The following DNAAF10 variants were observed in gnomAD, a reference collection of about 807,000 sequenced individuals.
DNAAF10 encodes the protein dynein axonemal assembly factor 10.
DNAAF10 carries 28 observed loss-of-function variants against 43.7 expected under a neutral mutation model. That is an observed-to-expected ratio of 0.64 (90% CI 0.48 to 0.88). The LOEUF is 0.88. DNAAF10 is among the 40% of genes least tolerant of loss of function. The pLI is 0.00. For synonymous variants in DNAAF10, 156 were observed against 157.3 expected (o/e 0.99, Z 0.06); for missense variants, 403 against 439.1 (o/e 0.92, Z 0.73).
At chr2:68,138,664 G>T in intron 5 of DNAAF10, 78 bp downstream of exon 5, 1 of 1,031,266 alleles carries the variant, frequency 9.7e-7, no homozygotes, top group Non-Finnish European at 1.5e-6. Context: ...GTTACTAGAG[G>T]TGTTTTCCTT....
At chr2:68,133,809 A>T (rs186339814) in intron 7 of DNAAF10, among the ~76,000 whole-genome samples, 1 of 152,290 alleles carries the variant, frequency 6.6e-6, no homozygotes, top group Non-Finnish European at 1.5e-5. Flanking sequence ...TGCACACAGT[A>T]CTTTAACAAG....
intron 4 of DNAAF10, among the ~76,000 whole-genome samples, chr2:68,140,269 A>C (rs1440006662): frequency 6.6e-6 from 1 of 152,044 alleles, no homozygotes; most frequent in East Asian, 1.9e-4. Flanking sequence ...CCAGCCCTGC[A>C]TTTCCACTGT....
chr2:68,153,469 T>C (rs1673505473), intron 1 of DNAAF10, among the ~76,000 whole-genome samples: 1 of 151,952 alleles, frequency 6.6e-6, no homozygotes, highest in Non-Finnish European at 1.5e-5. Flanking sequence ...TCTAGCTCAA[T>C]GGTTCTCAGC....
intron 1 of DNAAF10, among the ~76,000 whole-genome samples, chr2:68,148,627 C>T (rs1051363240): frequency 1.8e-4 from 28 of 152,126 alleles, no homozygotes; most frequent in African/African-American, 6.3e-4. Flanking sequence ...CCGAGATCTC[C>T]GGAATCTGGA....
chr2:68,156,326 T>C (rs1673610287), intron 1 of DNAAF10, among the ~76,000 whole-genome samples: 1 of 149,366 alleles, frequency 6.7e-6, no homozygotes, highest in Admixed American at 6.6e-5. Flanking sequence ...TCCAAGCAGA[T>C]TCTCTCCATA....
intron 1 of DNAAF10, among the ~76,000 whole-genome samples, chr2:68,148,798 T>C (rs924931415): frequency 1.3e-5 from 2 of 152,204 alleles, no homozygotes; most frequent in African/African-American, 4.8e-5. Context: ...CTGCTCCCTA[T>C]AAAAATTCAA....
rs554827661 is a variant in DNAAF10 at position 68,137,291 on chromosome 2, A to C, written c.768+8T>G. ...TTCTTCATAGAAAGACATTTCCCTC[A>C]TATTTACCTTTTCTGAAACAGAGGC... On this transcript the variant is annotated splice_region_variant and intron_variant, in intron 6 of 7. Transcript: ENST00000295121. The C allele has an allele frequency of 1.0e-5, 16 of 1,607,062 alleles. 1 individual carries two copies. The highest frequency in any genetic ancestry group is 1.7e-4 in the Middle Eastern group (1 of 6,022).
At chr2:68,131,836 G>T in intron 7 of DNAAF10, 1 of 204,868 alleles carries the variant, frequency 4.9e-6, no homozygotes. Flanking sequence ...GGCAAACAAT[G>T]TGCAAAGGCA....
intron 1 of DNAAF10, among the ~76,000 whole-genome samples, chr2:68,150,695 C>T (rs895616098): frequency 3.3e-5 from 5 of 151,718 alleles, no homozygotes; most frequent in Non-Finnish European, 7.4e-5. Flanking sequence ...ATCACACCAC[C>T]GCACTCCAGC....
chr2:68,146,595 G>A (rs1019372654), intron 2 of DNAAF10, among the ~76,000 whole-genome samples: 1 of 152,126 alleles, frequency 6.6e-6, no homozygotes, highest in Non-Finnish European at 1.5e-5. Context: ...CGAAGCATAT[G>A]ACAAAGCATC....
At chr2:68,155,674 G>T (rs1673580571) in intron 1 of DNAAF10, among the ~76,000 whole-genome samples, 1 of 151,912 alleles carries the variant, frequency 6.6e-6, no homozygotes, top group South Asian at 2.1e-4. Flanking sequence ...GACTGGGACA[G>T]AGCTACGCCA....
chr2:68,157,476 C>T lies in DNAAF10; in HGVS notation c.-33G>A. The T allele has an allele frequency of 6.2e-7, 1 of 1,614,140 alleles. No individual in the cohort carries two copies. The highest frequency in any genetic ancestry group is 1.1e-5 in the South Asian group (1 of 91,072). On this transcript the variant is annotated 5_prime_UTR_variant, in exon 1 of 8. The change creates a new upstream start codon in the 5' untranslated region. Coordinates refer to ENST00000295121, the MANE Select transcript of DNAAF10 (RefSeq NM_138458.4). ...CCAATTTCAGCTACGGCAACCGCCACACCCAGAGCCCCCAAAAACGGCAAC... is the reference window on the plus strand; with the variant it reads ...CCAATTTCAGCTACGGCAACCGCCATACCCAGAGCCCCCAAAAACGGCAAC...
At position 68,138,784 on chromosome 2, in the gene DNAAF10, G is replaced by C; in HGVS notation, c.591C>G (p.Leu197=). ...YDNGDIKLFD[L]RNMALRWETN... is the part of the protein sequence containing the mutation. ...TCTCCCACCGTAATGCCATATTTCT[G>C]AGATCAAATAGTTTGATATCCCCAT... Residue 197 remains leucine, a synonymous_variant, in exon 5 of 8, where the codon CTC becomes CTG. Transcript: ENST00000295121. 6.2e-7 allele frequency: 1 copy of C among 1,614,042 alleles called. No homozygotes were observed. Among genetic ancestry groups the C allele is most frequent in the Non-Finnish European group, 8.5e-7 (1 of 1,179,986 alleles).
intron 3 of DNAAF10, among the ~76,000 whole-genome samples, chr2:68,143,863 A>T (rs1301912614): frequency 6.6e-6 from 1 of 152,030 alleles, no homozygotes; most frequent in East Asian, 1.9e-4. Flanking sequence ...TTTTATGATT[A>T]AAAAAAATAA....
Position 68,131,317 on chromosome 2 carries a change from T to C in DNAAF10, c.995A>G (p.Asp332Gly), listed in dbSNP as rs764903076. 6 of 1,614,036 alleles carry C rather than the reference T, an allele frequency of 3.7e-6. No individual in the cohort carries two copies. The highest frequency in any genetic ancestry group is 5.1e-6 in the Non-Finnish European group (6 of 1,180,042). Residue 332 changes from aspartate (D) to glycine (G), a missense_variant, in exon 8 of 8, where the codon GAT becomes GGT. Asp to Gly is a moderately conservative substitution (Grantham distance 94). Coordinates refer to ENST00000295121, the MANE Select transcript of DNAAF10 (RefSeq NM_138458.4). The part of the protein sequence containing the change: ...QPISSLDWSP[D>G]KRGLCVCSSF... Reference sequence around the variant, plus strand: ...ACTACAGACGCAGAGACCCCTTTTATCTGGACTCCAATCCAAACTTGAAAT... The same window carrying C: ...ACTACAGACGCAGAGACCCCTTTTACCTGGACTCCAATCCAAACTTGAAAT...
At chr2:68,134,140 C>T in intron 7 of DNAAF10, 1 of 984,892 alleles carries the variant, frequency 1.0e-6, no homozygotes, top group African/African-American at 1.7e-5. Flanking sequence ...TTCCTTTTCA[C>T]AGGCCAACCC....
Position 68,130,115 on chromosome 2 carries a change from G to GAGAGAGAGATATATATATAT in DNAAF10, c.*1122_*1123insATATATATATATCTCTCTCT, listed in dbSNP as rs1453152500. On this transcript the variant is annotated 3_prime_UTR_variant, in exon 8 of 8. Coordinates refer to ENST00000295121, the MANE Select transcript of DNAAF10 (RefSeq NM_138458.4). Reference sequence around the variant, plus strand: ...CAACCGTGCCGTTTTGAGAGAGAGAGATATATATATATATATTTGTTTTTT... The same window carrying GAGAGAGAGATATATATATAT: ...CAACCGTGCCGTTTTGAGAGAGAGAGAGAGAGAGATATATATATATATATATATATATATATTTGTTTTTT... 1 of 132,948 alleles carries GAGAGAGAGATATATATATAT rather than the reference G, an allele frequency of 7.5e-6. No individual in the cohort carries two copies. The highest frequency in any genetic ancestry group is 2.9e-5 in the African/African-American group (1 of 34,264). The allele number at this position is 132,948 out of a possible 1,614,324, so 8.2% of individuals were successfully genotyped here. A position where few individuals can be genotyped will look rare whatever the true frequency, so the allele number is the denominator to read the frequency against.
At chr2:68,153,970 G>T (rs1414847130) in intron 1 of DNAAF10, among the ~76,000 whole-genome samples, 3 of 151,788 alleles carry the variant, frequency 2.0e-5, no homozygotes, top group Admixed American at 2.0e-4. Flanking sequence ...GGCCAGGATG[G>T]TCTTGCTCTC....
At position 68,144,617 on chromosome 2, in the gene DNAAF10, C is replaced by T; in HGVS notation, c.383G>A (p.Gly128Glu). ...DGIGGLGIGEGAPEIVTGSRD... is the reference protein window; with the variant it reads ...DGIGGLGIGEEAPEIVTGSRD... ...GCTGCCAGTCACAATTTCAGGTGCT[C>T]CTTCTCCAATTCCTAGTCCACCTAT... The change falls in exon 3 of 8, where the codon GGA becomes GAA. Residue 128 changes from glycine (G) to glutamate (E), a missense_variant. Gly to Glu is a moderately conservative substitution (Grantham distance 98). Coordinates refer to ENST00000295121, the MANE Select transcript of DNAAF10 (RefSeq NM_138458.4). 1 of 1,613,958 alleles carries T rather than the reference C, an allele frequency of 6.2e-7. No homozygotes were observed.
Sources: allele counts gnomAD v4.1 joint callset (sites outside exome capture counted in the v4.1 genomes callset), GRCh38; gene constraint gnomAD v4.1.1; transcripts MANE v1.5; gene names NCBI Gene and HGNC (gene_info 2026-07-23, HGNC 2026-07-21).